Variants in DHRSX observed in about 807,000 individuals in gnomAD.
The protein encoded by DHRSX is dehydrogenase/reductase X-linked, also known as polyprenol dehydrogenase.
In DHRSX, 31 loss-of-function variants were observed where a neutral mutation model predicts 34.0. The ratio of observed to expected loss-of-function variants is 0.91; its 90% CI spans 0.69 to 1.23. The LOEUF (loss-of-function observed/expected upper bound fraction) is 1.23. DHRSX is among the 50% of genes most tolerant of loss of function. The probability of loss-of-function intolerance (pLI) is 0.00; values close to 1 mark genes in which losing one functional copy is unlikely to be tolerated. For synonymous variants in DHRSX, 201 were observed against 183.8 expected (o/e 1.09, Z -0.76); for missense variants, 414 against 428.1 (o/e 0.97, Z 0.29).
chrX:2,243,213 T>C lies in DHRSX; in HGVS notation c.614A>G (p.His205Arg). The change falls in exon 6 of 7, where the codon CAC (histidine) becomes CGC (arginine). Residue 205 changes from histidine (H) to arginine (R), a missense_variant. Coordinates refer to ENST00000334651, the MANE Select transcript of DHRSX (RefSeq NM_145177.3). The part of the protein sequence containing the change: ...DLQSSACYSP[H>R]AAYAQSKLAL... Reference sequence around the variant, plus strand: ...CAGCTTGCTCTGGGCGTAGGCTGCGTGGGGTGAGTAGCAGGCACTGTGGGG... The same window carrying C: ...CAGCTTGCTCTGGGCGTAGGCTGCGCGGGGTGAGTAGCAGGCACTGTGGGG... 1 of 1,613,698 alleles carries C rather than the reference T, an allele frequency of 6.2e-7. No individual in the cohort carries two copies. Among genetic ancestry groups the C allele is most frequent in the Non-Finnish European group, 8.5e-7 (1 of 1,179,846 alleles).
At chrX:2,467,198 C>T (rs373995799) in intron 1 of DHRSX, among the ~76,000 whole-genome samples, 68 of 152,078 alleles carry the variant, frequency 4.5e-4, no homozygotes, top group African/African-American at 1.6e-3. Flanking sequence ...CAGGACTTCA[C>T]GACGCCAACT....
chrX:2,472,356 C>CA (rs902478158), intron 1 of DHRSX, among the ~76,000 whole-genome samples: 18 of 152,100 alleles, frequency 1.2e-4, no homozygotes, highest in African/African-American at 4.1e-4. Flanking sequence ...ATGAGAGGAT[C>CA]AAAAAACTAC....
At chrX:2,380,866 T>C (rs994995793) in intron 3 of DHRSX, among the ~76,000 whole-genome samples, 3 of 152,198 alleles carry the variant, frequency 2.0e-5, no homozygotes, top group African/African-American at 7.2e-5. Context: ...TTTGCTTTTT[T>C]GTTTTGTTTT....
At chrX:2,314,218 GAGGGA>G (rs2042199742) in intron 3 of DHRSX, among the ~76,000 whole-genome samples, 2 of 18,670 alleles carry the variant, frequency 1.1e-4, no homozygotes, top group Non-Finnish European at 2.3e-4. Context: ...GGGAGGGAAG[GAGGGA>G]AGGAAGGGAG....
intron 3 of DHRSX, among the ~76,000 whole-genome samples, chrX:2,308,004 C>G (rs1164550182): frequency 6.6e-6 from 1 of 151,988 alleles, no homozygotes; most frequent in Non-Finnish European, 1.5e-5. Context: ...ACAGGAGGAT[C>G]TCCGGAAGAC....
chrX:2,359,151 G>A (rs866925551), intron 3 of DHRSX, among the ~76,000 whole-genome samples: 74 of 152,272 alleles, frequency 4.9e-4, no homozygotes, highest in African/African-American at 6.5e-4. Context: ...CACTGTTGGC[G>A]GGAGTGTAAA....
intron 3 of DHRSX, among the ~76,000 whole-genome samples, chrX:2,378,515 A>G (rs2043167550): frequency 1.3e-5 from 2 of 152,184 alleles, no homozygotes; most frequent in South Asian, 4.1e-4. Flanking sequence ...TCCACCTGAT[A>G]AACAGTAAAG....
At chrX:2,293,604 T>A (rs946063702) in intron 3 of DHRSX, among the ~76,000 whole-genome samples, 4 of 151,886 alleles carry the variant, frequency 2.6e-5, no homozygotes, top group African/African-American at 9.7e-5. Flanking sequence ...TGTGCAGAGG[T>A]CAGAGACAGG....
chrX:2,441,649 T>TA (rs1391257182), intron 1 of DHRSX, among the ~76,000 whole-genome samples: 1 of 152,172 alleles, frequency 6.6e-6, no homozygotes, highest in African/African-American at 2.4e-5. Flanking sequence ...GGACTCTTTT[T>TA]ACCTCTTAAG....
At chrX:2,458,468 T>C (rs1056477765) in intron 1 of DHRSX, among the ~76,000 whole-genome samples, 10 of 152,128 alleles carry the variant, frequency 6.6e-5, no homozygotes, top group African/African-American at 9.7e-5. Flanking sequence ...CAAGCGAATG[T>C]GGCATAGACA....
chrX:2,500,347 C>T lies in DHRSX; in HGVS notation c.109+470G>A, dbSNP rs774773309. Reference sequence around the variant, plus strand: ...TAGGGGTCGAGGTCCCTGGGACGCCCGCTCCTCCCCTCCGGGGCCTGGCGG... The same window carrying T: ...TAGGGGTCGAGGTCCCTGGGACGCCTGCTCCTCCCCTCCGGGGCCTGGCGG... On this transcript the variant is annotated intron_variant, in intron 1 of 6. Coordinates refer to ENST00000334651, the MANE Select transcript of DHRSX (RefSeq NM_145177.3). The T allele has an allele frequency of 9.9e-5, 18 of 181,600 alleles. No homozygotes were observed. In the East Asian group the frequency reaches 2.4e-3, roughly 24 times the overall value. The allele number at this position is 181,600 out of a possible 1,614,324, so 11.2% of individuals were successfully genotyped here. A position where few individuals can be genotyped will look rare whatever the true frequency, so the allele number is the denominator to read the frequency against.
chrX:2,455,734 T>C (rs1417625367), intron 1 of DHRSX, among the ~76,000 whole-genome samples: 3 of 136,092 alleles, frequency 2.2e-5, no homozygotes, highest in East Asian at 4.4e-4. Context: ...AGAACAAAAC[T>C]TCGTCTCAAA....
chrX:2,403,702 A>G (rs966987072), intron 3 of DHRSX, among the ~76,000 whole-genome samples: 1 of 152,020 alleles, frequency 6.6e-6, no homozygotes, highest in African/African-American at 2.4e-5. Flanking sequence ...TAAAAATACA[A>G]AAAATTAGCC....
At chrX:2,270,198 T>C (rs1256828979) in intron 4 of DHRSX, among the ~76,000 whole-genome samples, 1 of 152,214 alleles carries the variant, frequency 6.6e-6, no homozygotes, top group East Asian at 1.9e-4. Flanking sequence ...TTTGTGTACC[T>C]GCCTGTGTTT....
chrX:2,387,691 C>G (rs1304069699), intron 3 of DHRSX, among the ~76,000 whole-genome samples: 1 of 151,714 alleles, frequency 6.6e-6, no homozygotes, highest in Non-Finnish European at 1.5e-5. Context: ...ACAGACACAC[C>G]CAGGATCAAT....
intron 3 of DHRSX, among the ~76,000 whole-genome samples, chrX:2,325,318 C>T (rs1180430709): frequency 1.3e-5 from 2 of 151,770 alleles, no homozygotes; most frequent in African/African-American, 4.8e-5. Context: ...TTCAAGATGG[C>T]GGCTCCATCT....
intron 3 of DHRSX, among the ~76,000 whole-genome samples, chrX:2,381,306 G>A (rs184257493): frequency 1.3e-5 from 2 of 152,124 alleles, no homozygotes; most frequent in African/African-American, 2.4e-5. Context: ...GAGCTCCCTC[G>A]ACCCTTCTGC....
At chrX:2,392,452 G>A (rs28618283) in intron 3 of DHRSX, 82,525 of 304,172 alleles carry the variant, frequency 0.27, 11,979 homozygotes, top group Middle Eastern at 0.43. Flanking sequence ...GCCAGCCCGG[G>A]CAACACAGCA....
intron 3 of DHRSX, among the ~76,000 whole-genome samples, chrX:2,345,449 C>A (rs962304858): frequency 1.3e-5 from 2 of 151,612 alleles, no homozygotes; most frequent in Admixed American, 6.6e-5. Flanking sequence ...TTGAGATCAG[C>A]CTGGCCAACA....
Sources: allele counts gnomAD v4.1 joint callset (sites outside exome capture counted in the v4.1 genomes callset), GRCh38; gene constraint gnomAD v4.1.1; transcripts MANE v1.5; gene names NCBI Gene and HGNC (gene_info 2026-07-23, HGNC 2026-07-21).